The following TECRL variants were observed in gnomAD, a reference collection of about 807,000 sequenced individuals.
The protein encoded by TECRL is trans-2,3-enoyl-CoA reductase-like.
A neutral mutation model predicts 52.8 loss-of-function variants in TECRL; 63 were observed. That is an observed-to-expected ratio of 1.19 (90% CI 0.97 to 1.47). The LOEUF (loss-of-function observed/expected upper bound fraction) is 1.47, where lower values mean the gene tolerates loss of function less well. Ranked by LOEUF, TECRL falls within the 40% of genes most tolerant of loss-of-function variation. The pLI is 0.00. For synonymous variants in TECRL, 164 were observed against 141.9 expected (o/e 1.16, Z -1.10); for missense variants, 482 against 429.6 (o/e 1.12, Z -1.08).
At chr4:64,328,383 TTTG>T in intron 3 of TECRL, 126 bp downstream of exon 3, 1 of 671,876 alleles carries the variant, frequency 1.5e-6, no homozygotes, top group Non-Finnish European at 2.4e-6. Flanking sequence ...GGAGCTCTAG[TTTG>T]TTGGGCGAAT....
At chr4:64,356,368 C>A (rs564083045) in intron 2 of TECRL, among the ~76,000 whole-genome samples, 2 of 151,980 alleles carry the variant, frequency 1.3e-5, no homozygotes, top group Non-Finnish European at 2.9e-5. Flanking sequence ...AGGCCACTGT[C>A]TCTTGCCTGC....
chr4:64,340,646 T>C (rs903133204), intron 2 of TECRL, among the ~76,000 whole-genome samples: 1 of 152,340 alleles, frequency 6.6e-6, no homozygotes, highest in Middle Eastern at 3.4e-3. Context: ...TAGATGCCCC[T>C]TGGCATGAAC....
At chr4:64,300,650 C>T (rs556418701) in intron 7 of TECRL, among the ~76,000 whole-genome samples, 1 of 151,038 alleles carries the variant, frequency 6.6e-6, no homozygotes, top group South Asian at 2.1e-4. Context: ...ATAAACCTAT[C>T]ATCATATTTA....
Position 64,314,683 on chromosome 4 carries a change from T to C in TECRL, c.516A>G (p.Lys172=). ...GGTGGCGTAATCTTCTAGCACTCTC[T>C]TTTCCATCATATATACATGGGATCC... The part of the protein sequence containing the change: ...YLRIPCIYDG[K]ESARRLRHPV... Residue 172 remains lysine, a synonymous_variant, in exon 5 of 12, where the codon AAA becomes AAG. Coordinates refer to ENST00000381210, the MANE Select transcript of TECRL (RefSeq NM_001010874.5). 1.2e-6 allele frequency: 2 copies of C among 1,612,760 alleles called. No individual in the cohort carries two copies. The highest frequency in any genetic ancestry group is 1.7e-6 in the Non-Finnish European group (2 of 1,179,226).
At chr4:64,354,016 G>A (rs1029917168) in intron 2 of TECRL, among the ~76,000 whole-genome samples, 1 of 152,094 alleles carries the variant, frequency 6.6e-6, no homozygotes, top group African/African-American at 2.4e-5. Context: ...GGAATGGTAT[G>A]CCACGTCAAA....
chr4:64,307,675 G>T (rs891277875), intron 6 of TECRL, among the ~76,000 whole-genome samples: 4 of 151,980 alleles, frequency 2.6e-5, no homozygotes, highest in African/African-American at 4.8e-5. Context: ...GTTCACTCTG[G>T]GCAAGCCCCA....
chr4:64,355,668 G>T (rs1438291893), intron 2 of TECRL, among the ~76,000 whole-genome samples: 1 of 151,678 alleles, frequency 6.6e-6, no homozygotes, highest in South Asian at 2.1e-4. Flanking sequence ...CGGGCATGGT[G>T]TCAGGCACCT....
At position 64,343,237 on chromosome 4, in the gene TECRL, A is replaced by C. The variant is rs1375880534; in HGVS notation, c.287-14681T>G. ...TGGTAAGAAATAGATATTGTGATAC[A>C]GTGTATATTAATAGCTTATATCTCT... On this transcript the variant is annotated intron_variant, in intron 2 of 11. Transcript: ENST00000381210. Among the ~76,000 whole-genome samples the C allele has an allele frequency of 2.0e-5, 3 of 152,148 alleles. No individual in the cohort carries two copies. In the East Asian group the frequency reaches 5.8e-4, roughly 29 times the overall value.
At chr4:64,338,856 A>T (rs1432670648) in intron 2 of TECRL, among the ~76,000 whole-genome samples, 1 of 152,198 alleles carries the variant, frequency 6.6e-6, no homozygotes, top group Non-Finnish European at 1.5e-5. Flanking sequence ...TAGTTCAACC[A>T]TTGTGGAAGA....
intron 4 of TECRL, among the ~76,000 whole-genome samples, chr4:64,320,111 C>G (rs970543055): frequency 6.6e-6 from 1 of 151,720 alleles, no homozygotes; most frequent in Non-Finnish European, 1.5e-5. Context: ...ATGGTGAAAA[C>G]TGCATAACTT....
intron 1 of TECRL, among the ~76,000 whole-genome samples, chr4:64,395,227 A>C (rs1005099171): frequency 8.6e-5 from 13 of 151,984 alleles, no homozygotes; most frequent in Non-Finnish European, 1.9e-4. Context: ...GCCAAACGTG[A>C]ATTTTTTTAA....
At chr4:64,292,290 T>A (rs1434169210) in intron 8 of TECRL, among the ~76,000 whole-genome samples, 1 of 151,968 alleles carries the variant, frequency 6.6e-6, no homozygotes, top group Admixed American at 6.6e-5. Context: ...AAAAGAAATT[T>A]AATAAACAAA....
In TECRL at chr4:64,280,066, C is replaced by CT. The variant is rs745969657; in HGVS notation, c.*5dup. ...GCTGTTTTCTATAGGAGATAAGATT[C>CT]TTTTTTTACAATATGAATGGAATCA... On this transcript the variant is annotated 3_prime_UTR_variant, in exon 12 of 12. Transcript: ENST00000381210. The CT allele has an allele frequency of 1.0e-5, 16 of 1,585,960 alleles. No individual in the cohort carries two copies. Among genetic ancestry groups the CT allele is most frequent in the African/African-American group, 4.1e-5 (3 of 73,154 alleles).
chr4:64,406,252 T>C (rs1724720714), intron 1 of TECRL, among the ~76,000 whole-genome samples: 1 of 151,992 alleles, frequency 6.6e-6, no homozygotes, highest in African/African-American at 2.4e-5. Context: ...TCAAAATTTT[T>C]ATCTCATGAA....
chr4:64,369,916 C>T (rs1213814882), intron 2 of TECRL, among the ~76,000 whole-genome samples: 2 of 151,656 alleles, frequency 1.3e-5, no homozygotes, highest in Non-Finnish European at 2.9e-5. Context: ...ACAACAAGTG[C>T]TACACATTGT....
At chr4:64,288,381 G>T (rs985065675) in intron 9 of TECRL, among the ~76,000 whole-genome samples, 6 of 152,084 alleles carry the variant, frequency 3.9e-5, no homozygotes, top group African/African-American at 1.4e-4. Context: ...AACTACAGGA[G>T]AAGTTGCTGA....
intron 2 of TECRL, among the ~76,000 whole-genome samples, chr4:64,336,095 T>A (rs1482788377): frequency 1.3e-5 from 2 of 152,178 alleles, no homozygotes; most frequent in Non-Finnish European, 2.9e-5. Flanking sequence ...TGGTACCAGC[T>A]CCTCTTTGTA....
chr4:64,401,609 C>T (rs980925004), intron 1 of TECRL, among the ~76,000 whole-genome samples: 1 of 152,078 alleles, frequency 6.6e-6, no homozygotes, highest in Non-Finnish European at 1.5e-5. Context: ...TGTTATCTGT[C>T]TTTCCAATTA....
At position 64,288,149 on chromosome 4, in the gene TECRL, T is replaced by TA. The variant is rs377628980; in HGVS notation, c.832+1560dup. ...GGGCTACAAGAGCGAGACTCCATCTTAAAAAAAAAAAAAAGAAAAGAAATA... is the reference window on the plus strand; with the variant it reads ...GGGCTACAAGAGCGAGACTCCATCTTAAAAAAAAAAAAAAAGAAAAGAAATA... On this transcript the variant is annotated intron_variant, in intron 9 of 11. Transcript: ENST00000381210. Among the ~76,000 whole-genome samples the TA allele has an allele frequency of 2.8e-3, 378 of 135,590 alleles. 2 individuals carry two copies. In the Middle Eastern group the frequency reaches 0.03, roughly 11 times the overall value. 89.0% of individuals were successfully genotyped at this position (135,590 alleles called of 152,430 possible). A position where few individuals can be genotyped will look rare whatever the true frequency, so the allele number is the denominator to read the frequency against.
Sources: gnomAD v4.1 joint callset for allele counts (sites outside exome capture counted in the v4.1 genomes callset) on GRCh38, gnomAD v4.1.1 for gene constraint, MANE v1.5 for transcripts, NCBI Gene and HGNC (gene_info 2026-07-23, HGNC 2026-07-21) for gene names.